The following OSBP2 variants were observed in gnomAD, a reference collection of about 807,000 sequenced individuals.
OSBP2 encodes the protein oxysterol-binding protein 2.
OSBP2 carries 66 observed loss-of-function variants against 96.0 expected under a neutral mutation model. The observed-to-expected ratio is 0.69, with a 90% CI of 0.56 to 0.84. The LOEUF (loss-of-function observed/expected upper bound fraction) is 0.84, where lower values mean the gene tolerates loss of function less well. OSBP2 is among the 40% of genes least tolerant of loss of function. OSBP2 has a pLI of 0.00. For missense variants in OSBP2, 1,038 were observed against 1,222.7 expected (o/e 0.85, Z 2.25); for synonymous variants, 525 against 520.9 (o/e 1.01, Z -0.11).
At position 30,905,988 on chromosome 22, in the gene OSBP2, C is replaced by T. The variant is rs762029972; in HGVS notation, c.2527C>T (p.Arg843Trp). ...RWDEANTEKQ[R>W]LEEKQRLSRR... Reference sequence around the variant, plus strand: ...GGACGAGGCCAATACCGAGAAGCAGCGGCTGGAGGAGAAGCAGCGCCTGTC... The same window carrying T: ...GGACGAGGCCAATACCGAGAAGCAGTGGCTGGAGGAGAAGCAGCGCCTGTC... The change falls in exon 13 of 14, where the codon CGG becomes TGG. Residue 843 changes from arginine (R) to tryptophan (W), a missense_variant. By Grantham distance (101) the Arg-to-Trp change is moderately radical. Around this residue, in one of 3 missense-constraint regions of OSBP2, gnomAD observed 737 missense variants for 913.3 expected, o/e 0.81. Coordinates refer to ENST00000332585, the MANE Select transcript of OSBP2 (RefSeq NM_030758.4). 1.0e-5 allele frequency: 16 copies of T among 1,600,258 alleles called. No homozygotes were observed. Among genetic ancestry groups the T allele is most frequent in the South Asian group, 1.1e-5 (1 of 89,794 alleles).
rs1480195025 is a variant in OSBP2, at chr22:30,703,258, C to G, written c.644+7705C>G. On this transcript the variant is annotated intron_variant, in intron 1 of 13. Transcript: ENST00000332585. ...GCAAAATCTTGGCTCACTGCAACCT[C>G]TGCTTCCTGGGTTCAAGCGATTTTC... 5.3e-5 allele frequency among the ~76,000 whole-genome samples: 8 copies of G among 152,100 alleles called. No homozygotes were observed. The East Asian group carries it at 1.5e-3, about 29-fold the overall frequency.
chr22:30,847,488 G>A (rs1347929990), intron 2 of OSBP2, among the ~76,000 whole-genome samples: 1 of 152,010 alleles, frequency 6.6e-6, no homozygotes, highest in African/African-American at 2.4e-5. Flanking sequence ...CACCATGTCG[G>A]CCAGGCTGGT....
chr22:30,858,019 G>A (rs75159344), intron 2 of OSBP2, among the ~76,000 whole-genome samples: 2,991 of 152,308 alleles, frequency 0.02, 49 homozygotes, highest in Non-Finnish European at 0.026. Context: ...AAAGTATGCC[G>A]GGGGAAAGAG....
intron 2 of OSBP2, among the ~76,000 whole-genome samples, chr22:30,843,789 G>T (rs1056530669): frequency 6.6e-6 from 1 of 152,244 alleles, no homozygotes; most frequent in Admixed American, 6.5e-5. Flanking sequence ...GATCAGTTGA[G>T]CCCAGGAGTT....
intron 1 of OSBP2, among the ~76,000 whole-genome samples, chr22:30,711,508 G>A (rs1406317015): frequency 2.6e-5 from 4 of 151,968 alleles, no homozygotes; most frequent in Non-Finnish European, 5.9e-5. Context: ...TGGTAGCCAA[G>A]GTGGGTGGAT....
At chr22:30,891,413 G>T (rs982049029) in intron 8 of OSBP2, among the ~76,000 whole-genome samples, 3 of 152,314 alleles carry the variant, frequency 2.0e-5, no homozygotes, top group Middle Eastern at 3.4e-3. Context: ...CTTCCCCACA[G>T]AGATATGCCA....
intron 2 of OSBP2, among the ~76,000 whole-genome samples, chr22:30,752,349 A>C (rs958530863): frequency 6.9e-4 from 77 of 111,058 alleles, no homozygotes; most frequent in Middle Eastern, 8.8e-3. Flanking sequence ...CCCAGGCTGG[A>C]GTGCAGTGGC....
intron 2 of OSBP2, among the ~76,000 whole-genome samples, chr22:30,789,112 A>G (rs2090637106): frequency 6.6e-6 from 1 of 152,224 alleles, no homozygotes; most frequent in Non-Finnish European, 1.5e-5. Flanking sequence ...ATGTCTGGAG[A>G]GTCAGTTGAC....
intron 1 of OSBP2, among the ~76,000 whole-genome samples, chr22:30,740,048 G>T (rs1329979498): frequency 6.6e-6 from 1 of 152,158 alleles, no homozygotes; most frequent in African/African-American, 2.4e-5. Flanking sequence ...ATTTCACCAT[G>T]TTGGCCAGCT....
chr22:30,853,797 C>T (rs1248157273), intron 2 of OSBP2, among the ~76,000 whole-genome samples: 3 of 146,262 alleles, frequency 2.1e-5, no homozygotes, highest in African/African-American at 7.7e-5. Flanking sequence ...GAGACAGAGT[C>T]TCGCTCTGTC....
rs71900262 is a variant in OSBP2 at position 30,784,777 on chromosome 22, A to ATTT, written c.853+43420_853+43422dup. ...ACAGCTGGTAGAATAAATCCTCCTCATTTTTTTTTTTTTTGAGATGTGTCT... is the reference window on the plus strand; with the variant it reads ...ACAGCTGGTAGAATAAATCCTCCTCATTTTTTTTTTTTTTTTTGAGATGTGTCT... On this transcript the variant is annotated intron_variant, in intron 2 of 13. Transcript: ENST00000332585. Among the ~76,000 whole-genome samples the ATTT allele has an allele frequency of 4.7e-4, 66 of 140,624 alleles. 1 individual carries two copies. The highest frequency in any genetic ancestry group is 1.3e-3 in the East Asian group (6 of 4,764). 92.3% of individuals were successfully genotyped at this position (140,624 alleles called of 152,430 possible). A position where few individuals can be genotyped will look rare whatever the true frequency, so the allele number is the denominator to read the frequency against.
At chr22:30,896,529 A>C (rs2040071612) in intron 12 of OSBP2, among the ~76,000 whole-genome samples, 1 of 152,194 alleles carries the variant, frequency 6.6e-6, no homozygotes, top group East Asian at 1.9e-4. Context: ...ATTAAAAAGT[A>C]GCACAAACAA....
At chr22:30,775,807 T>G (rs2090426807) in intron 2 of OSBP2, among the ~76,000 whole-genome samples, 1 of 152,056 alleles carries the variant, frequency 6.6e-6, no homozygotes, top group South Asian at 2.1e-4. Context: ...AGGTTGTTTT[T>G]TTTTCTGAGA....
At chr22:30,753,639 C>T (rs910333426) in intron 2 of OSBP2, among the ~76,000 whole-genome samples, 3 of 152,050 alleles carry the variant, frequency 2.0e-5, no homozygotes, top group African/African-American at 4.8e-5. Context: ...CAGGCCAAAC[C>T]GTCTTTGGTC....
intron 2 of OSBP2, among the ~76,000 whole-genome samples, chr22:30,832,243 T>C (rs2038537207): frequency 6.6e-6 from 1 of 152,222 alleles, no homozygotes; most frequent in African/African-American, 2.4e-5. Context: ...TTTCTGTATA[T>C]ATATGTAAAT....
chr22:30,756,001 G>A (rs1249644922), intron 2 of OSBP2, among the ~76,000 whole-genome samples: 1 of 152,118 alleles, frequency 6.6e-6, no homozygotes, highest in African/African-American at 2.4e-5. Flanking sequence ...CAGTCCCCAC[G>A]CAGCCTGACC....
At chr22:30,888,995 G>C (rs535681603) in intron 5 of OSBP2, among the ~76,000 whole-genome samples, 182 bp from the exon 6 acceptor site, 1 of 152,294 alleles carries the variant, frequency 6.6e-6, no homozygotes, top group Non-Finnish European at 1.5e-5. Flanking sequence ...TGGGACCACT[G>C]TCATATACAC....
chr22:30,796,916 C>T (rs184847941), intron 2 of OSBP2, among the ~76,000 whole-genome samples: 5 of 152,326 alleles, frequency 3.3e-5, no homozygotes, highest in African/African-American at 7.2e-5. Context: ...TGTTGTGCAT[C>T]CATGACCAGC....
intron 1 of OSBP2, among the ~76,000 whole-genome samples, chr22:30,710,863 G>A (rs1048881724): frequency 4.6e-5 from 7 of 151,506 alleles, no homozygotes; most frequent in African/African-American, 1.2e-4. Context: ...TGCCTGCCTC[G>A]GCCTCCCAAA....
Sources: gnomAD v4.1 joint callset for allele counts (sites outside exome capture counted in the v4.1 genomes callset) on GRCh38, gnomAD v4.1.1 for gene constraint, gnomAD v4.1.1 regional missense constraint, MANE v1.5 for transcripts, NCBI Gene and HGNC (gene_info 2026-07-23, HGNC 2026-07-21) for gene names.